Variants in AGMO observed in about 807,000 individuals in gnomAD.
AGMO encodes the protein alkylglycerol monooxygenase, also known as glyceryl-ether monooxygenase.
Under a neutral mutation model 60.2 loss-of-function variants are expected in AGMO, and 75 were observed. The ratio of observed to expected loss-of-function variants is 1.25; its 90% CI spans 1.03 to 1.51. AGMO has a LOEUF of 1.51. Among genes scored for constraint, AGMO ranks in the 40% most tolerant of loss-of-function variants. The pLI is 0.00. For synonymous variants in AGMO, 261 were observed against 177.1 expected, an observed-to-expected ratio of 1.47 and a Z score of -3.76; for missense variants, 763 against 525.5, an observed-to-expected ratio of 1.45 and a Z score of -4.42.
At chr7:15,462,244 A>C (rs1384197690) in intron 3 of AGMO, among the ~76,000 whole-genome samples, 1 of 152,180 alleles carries the variant, frequency 6.6e-6, no homozygotes, top group Non-Finnish European at 1.5e-5. Context: ...TTTTAGCTCA[A>C]GAACTGTCAG....
Position 15,200,326 on chromosome 7 carries a change from T to C in AGMO, c.*959A>G, listed in dbSNP as rs1029240701. 7.2e-5 allele frequency: 11 copies of C among 152,336 alleles called. No homozygotes were observed. The highest frequency in any genetic ancestry group is 5.2e-4 in the Admixed American group (8 of 15,304). 9.4% of individuals were successfully genotyped at this position (152,336 alleles called of 1,614,324 possible). A position where few individuals can be genotyped will look rare whatever the true frequency, so the allele number is the denominator to read the frequency against. ...AACAATGTACACACAACACCTTGGG[T>C]AATTTTATTTAGAGAATTAACATTG... On this transcript the variant is annotated 3_prime_UTR_variant, in exon 13 of 13. Coordinates refer to ENST00000342526, the MANE Select transcript of AGMO (RefSeq NM_001004320.2).
At chr7:15,197,009 G>T (rs1354137798), downstream of AGMO, among the ~76,000 whole-genome samples, 1 of 151,310 alleles carries the variant, frequency 6.6e-6, no homozygotes. Context: ...ACTGGAGTGA[G>T]ATTTGAAAAA....
At chr7:15,445,510 G>T (rs1350556652) in intron 3 of AGMO, among the ~76,000 whole-genome samples, 2 of 152,074 alleles carry the variant, frequency 1.3e-5, no homozygotes, top group African/African-American at 4.8e-5. Context: ...TTTACAGGAT[G>T]CCACTACCAG....
At chr7:15,385,601 A>G in intron 9 of AGMO, 39 bp from the exon 10 acceptor site, 1 of 1,173,678 alleles carries the variant, frequency 8.5e-7, no homozygotes, top group Non-Finnish European at 1.3e-6. Flanking sequence ...ATTGCTCCAG[A>G]CTCATTTTTC....
At chr7:15,261,698 AAAAAG>A (rs1783276636) in intron 12 of AGMO, among the ~76,000 whole-genome samples, 2 of 152,050 alleles carry the variant, frequency 1.3e-5, no homozygotes, top group African/African-American at 4.8e-5. Context: ...ACATAACAAA[AAAAAG>A]AAAACTACAG....
At chr7:15,546,568 G>T (rs1273236579) in intron 2 of AGMO, among the ~76,000 whole-genome samples, 2 of 152,216 alleles carry the variant, frequency 1.3e-5, no homozygotes, top group Non-Finnish European at 2.9e-5. Context: ...CTGACAGAGT[G>T]GCCAAGGGTG....
chr7:15,394,672 A>T (rs1286218776), intron 5 of AGMO, among the ~76,000 whole-genome samples: 2 of 152,194 alleles, frequency 1.3e-5, no homozygotes, highest in African/African-American at 4.8e-5. Context: ...GGGTATAACT[A>T]GGAGAGTGAA....
the AGMO span, among the ~76,000 whole-genome samples, chr7:15,190,201 T>TTATA: frequency 7.2e-5 from 1 of 13,904 alleles, no homozygotes; most frequent in African/African-American, 2.5e-4. Flanking sequence ...ATATATATAT[T>TTATA]TATATATATA....
chr7:15,279,490 T>C (rs1014058120), intron 12 of AGMO, among the ~76,000 whole-genome samples: 6 of 152,202 alleles, frequency 3.9e-5, no homozygotes, highest in African/African-American at 1.4e-4. Context: ...TTTTTTTTAA[T>C]AAGCTTTTTC....
At chr7:15,154,896 C>A in the AGMO span, among the ~76,000 whole-genome samples, 1 of 152,102 alleles carries the variant, frequency 6.6e-6, no homozygotes, top group East Asian at 1.9e-4. Flanking sequence ...GTTGGAATTT[C>A]TTTTCTTTAA....
chr7:15,167,700 C>G, the AGMO span, among the ~76,000 whole-genome samples: 1 of 152,172 alleles, frequency 6.6e-6, no homozygotes, highest in African/African-American at 2.4e-5. Flanking sequence ...TCTCTAAGGT[C>G]AACTCAAGCA....
chr7:15,288,617 C>CA (rs1300864929), intron 12 of AGMO, among the ~76,000 whole-genome samples: 1 of 151,880 alleles, frequency 6.6e-6, no homozygotes. Context: ...ATCCTATATG[C>CA]AGTCTTACAA....
chr7:15,361,539 CAA>C (rs200175234), intron 12 of AGMO, among the ~76,000 whole-genome samples: 6 of 29,520 alleles, frequency 2.0e-4, no homozygotes, highest in Admixed American at 3.7e-4. Flanking sequence ...GACTGTGTCT[CAA>C]AAAAAAAAAA....
intron 12 of AGMO, among the ~76,000 whole-genome samples, chr7:15,317,527 G>C (rs1282039210): frequency 6.6e-6 from 1 of 152,042 alleles, no homozygotes; most frequent in East Asian, 1.9e-4. Context: ...CTCGTAATAA[G>C]AGAAGTGTCC....
intron 12 of AGMO, among the ~76,000 whole-genome samples, chr7:15,233,334 G>C (rs1782314502): frequency 6.6e-6 from 1 of 152,102 alleles, no homozygotes; most frequent in South Asian, 2.1e-4. Flanking sequence ...TGGGTATTAG[G>C]AACCACACTC....
At chr7:15,244,256 T>G (rs1472144794) in intron 12 of AGMO, among the ~76,000 whole-genome samples, 2 of 152,200 alleles carry the variant, frequency 1.3e-5, no homozygotes, top group Non-Finnish European at 2.9e-5. Flanking sequence ...CCACTTGATT[T>G]TTAGAACCAG....
At chr7:15,127,536 G>A in the AGMO span, among the ~76,000 whole-genome samples, 38 of 152,112 alleles carry the variant, frequency 2.5e-4, no homozygotes, top group African/African-American at 4.3e-4. Context: ...AGGGAAATAC[G>A]TTCCAAATTA....
chr7:15,523,271 T>C (rs1784048654), intron 3 of AGMO, among the ~76,000 whole-genome samples: 1 of 152,242 alleles, frequency 6.6e-6, no homozygotes, highest in Non-Finnish European at 1.5e-5. Context: ...GAAGACAGTG[T>C]GGCAATTCCT....
chr7:15,174,796 A>G, the AGMO span, among the ~76,000 whole-genome samples: 1 of 152,032 alleles, frequency 6.6e-6, no homozygotes, highest in Non-Finnish European at 1.5e-5. Context: ...TTTTCTATGA[A>G]AAGGACATTC....
Sources: allele counts gnomAD v4.1 joint callset (sites outside exome capture counted in the v4.1 genomes callset), GRCh38; gene constraint gnomAD v4.1.1; transcripts MANE v1.5; gene names NCBI Gene and HGNC (gene_info 2026-07-23, HGNC 2026-07-21).